The following ST8SIA1 variants were observed in gnomAD, a reference collection of about 807,000 sequenced individuals.
ST8SIA1 encodes the protein ST8 alpha-N-acetyl-neuraminide alpha-2,8-sialyltransferase 1.
A neutral mutation model predicts 35.9 loss-of-function variants in ST8SIA1; 16 were observed. The observed-to-expected ratio is 0.45, with a 90% CI of 0.30 to 0.68. ST8SIA1 has a LOEUF of 0.68. Among genes scored for constraint, ST8SIA1 ranks in the 30% least tolerant of loss-of-function variants. The probability of loss-of-function intolerance (pLI) is 0.09; values close to 1 mark genes in which losing one functional copy is unlikely to be tolerated. For synonymous variants in ST8SIA1, 170 were observed against 169.6 expected (o/e 1.00, Z -0.02); for missense variants, 383 against 453.6 (o/e 0.84, Z 1.41).
intron 2 of ST8SIA1, among the ~76,000 whole-genome samples, chr12:22,285,877 C>CAAAAAAAACAAAAAAAAAA (rs67273710): frequency 9.6e-6 from 1 of 103,676 alleles, no homozygotes; most frequent in African/African-American, 3.7e-5. Context: ...CTGTCAAAAA[C>CAAAAAAAACAAAAAAAAAA]AAAAAAAAAA....
intron 1 of ST8SIA1, among the ~76,000 whole-genome samples, chr12:22,319,858 G>A (rs529794492): frequency 5.3e-5 from 8 of 152,200 alleles, no homozygotes; most frequent in African/African-American, 1.7e-4. Flanking sequence ...ATCTGACCAC[G>A]AGCTTCCTAA....
intron 1 of ST8SIA1, among the ~76,000 whole-genome samples, chr12:22,318,688 T>C (rs1327233229): frequency 6.6e-6 from 1 of 152,240 alleles, no homozygotes; most frequent in Non-Finnish European, 1.5e-5. Context: ...GAATGGGTGA[T>C]ACAAACAGCC....
intron 4 of ST8SIA1, among the ~76,000 whole-genome samples, chr12:22,207,535 G>T (rs1318752513): frequency 2.6e-5 from 4 of 152,106 alleles, no homozygotes; most frequent in Non-Finnish European, 4.4e-5. Context: ...TTGGGGGAGT[G>T]GGGGGCGGTC....
At chr12:22,212,323 T>C (rs1022568464) in intron 4 of ST8SIA1, among the ~76,000 whole-genome samples, 3 of 152,234 alleles carry the variant, frequency 2.0e-5, no homozygotes, top group Non-Finnish European at 4.4e-5. Context: ...TATTATTTAC[T>C]TGCTTTTCTA....
intron 2 of ST8SIA1, among the ~76,000 whole-genome samples, chr12:22,263,014 AC>A (rs1865809453): frequency 6.6e-6 from 1 of 152,144 alleles, no homozygotes; most frequent in Non-Finnish European, 1.5e-5. Flanking sequence ...CCCCGAAGCA[AC>A]CAGCTCACCA....
chr12:22,288,900 T>C (rs528082855), intron 1 of ST8SIA1, among the ~76,000 whole-genome samples: 1 of 152,314 alleles, frequency 6.6e-6, no homozygotes. Flanking sequence ...TTGTTGTTGT[T>C]GTCCTTGTTT....
At chr12:22,238,503 C>G (rs1392303264) in intron 4 of ST8SIA1, among the ~76,000 whole-genome samples, 1 of 152,188 alleles carries the variant, frequency 6.6e-6, no homozygotes, top group African/African-American at 2.4e-5. Flanking sequence ...TATTTCAACT[C>G]CAGCCACCAT....
intron 1 of ST8SIA1, among the ~76,000 whole-genome samples, chr12:22,313,237 C>T (rs1489574438): frequency 1.3e-5 from 2 of 152,134 alleles, no homozygotes; most frequent in African/African-American, 4.8e-5. Context: ...CATATAAACC[C>T]CTTTGCATGG....
intron 1 of ST8SIA1, among the ~76,000 whole-genome samples, chr12:22,294,696 A>G (rs1866221592): frequency 6.6e-6 from 1 of 152,240 alleles, no homozygotes; most frequent in East Asian, 1.9e-4. Context: ...GTGTTTCTCT[A>G]GTAAGGGCAG....
At chr12:22,221,297 A>T (rs1865298777) in intron 4 of ST8SIA1, among the ~76,000 whole-genome samples, 1 of 152,228 alleles carries the variant, frequency 6.6e-6, no homozygotes, top group Admixed American at 6.5e-5. Flanking sequence ...AAGCAAAAGG[A>T]CAAGAGGAAG....
At chr12:22,272,048 A>T (rs751763093) in intron 2 of ST8SIA1, among the ~76,000 whole-genome samples, 5 of 152,174 alleles carry the variant, frequency 3.3e-5, no homozygotes, top group Non-Finnish European at 5.9e-5. Context: ...CTTACCACTG[A>T]ATGCTTATTT....
At chr12:22,233,809 A>C (rs1865445228) in intron 4 of ST8SIA1, among the ~76,000 whole-genome samples, 1 of 152,178 alleles carries the variant, frequency 6.6e-6, no homozygotes, top group Non-Finnish European at 1.5e-5. Flanking sequence ...TCAGCGTATC[A>C]GTTCTATGTG....
intron 4 of ST8SIA1, among the ~76,000 whole-genome samples, chr12:22,239,302 A>T (rs1387621741): frequency 6.6e-6 from 1 of 152,124 alleles, no homozygotes; most frequent in Non-Finnish European, 1.5e-5. Flanking sequence ...TCCCTATTTT[A>T]TACTTCCACA....
chr12:22,286,374 C>T (rs1372758927), intron 2 of ST8SIA1: 1 of 503,172 alleles, frequency 2.0e-6, no homozygotes, highest in African/African-American at 2.0e-5. Flanking sequence ...GATTCAGTCC[C>T]ACTTTCTAAG....
At chr12:22,237,371 T>A (rs1865487168) in intron 4 of ST8SIA1, among the ~76,000 whole-genome samples, 3 of 152,132 alleles carry the variant, frequency 2.0e-5, no homozygotes. Context: ...CCCAAAGAGC[T>A]GGGATTGCAG....
intron 4 of ST8SIA1, among the ~76,000 whole-genome samples, chr12:22,207,146 T>G (rs561731381): frequency 6.6e-6 from 1 of 152,314 alleles, no homozygotes; most frequent in Non-Finnish European, 1.5e-5. Flanking sequence ...ATGGAAGAGC[T>G]GCACTTTCAA....
chr12:22,303,522 C>T (rs565308306), intron 1 of ST8SIA1, among the ~76,000 whole-genome samples: 20 of 152,042 alleles, frequency 1.3e-4, no homozygotes, highest in Non-Finnish European at 2.4e-4. Context: ...GTAACTGAAT[C>T]GGGGTTTGTT....
intron 1 of ST8SIA1, among the ~76,000 whole-genome samples, chr12:22,312,415 C>A (rs1004636236): frequency 3.3e-5 from 5 of 152,300 alleles, no homozygotes; most frequent in African/African-American, 9.6e-5. Flanking sequence ...AGAACTGCCA[C>A]ATGTGAGAGT....
intron 1 of ST8SIA1, among the ~76,000 whole-genome samples, chr12:22,305,720 T>A (rs1866376135): frequency 6.6e-6 from 1 of 152,162 alleles, no homozygotes; most frequent in African/African-American, 2.4e-5. Flanking sequence ...CCAAGCAATC[T>A]CATACTTATC....
Sources: allele counts gnomAD v4.1 joint callset (sites outside exome capture counted in the v4.1 genomes callset), GRCh38; gene constraint gnomAD v4.1.1; transcripts MANE v1.5; gene names NCBI Gene and HGNC (gene_info 2026-07-23, HGNC 2026-07-21).